URI1: variants seen among roughly 807,000 people sequenced by gnomAD.
URI1 encodes unconventional prefoldin RPB5 interactor 1.
A neutral mutation model predicts 60.2 loss-of-function variants in URI1; 39 were observed. That is an observed-to-expected ratio of 0.65 (90% CI 0.50 to 0.85). The LOEUF is 0.85. Among genes scored for constraint, URI1 ranks in the 40% least tolerant of loss-of-function variants. URI1 has a pLI of 0.00. For missense variants in URI1, 691 were observed against 665.9 expected, an observed-to-expected ratio of 1.04 and a Z score of -0.42; for synonymous variants, 251 against 236.8, an observed-to-expected ratio of 1.06 and a Z score of -0.55.
At chr19:29,986,487 G>A (rs1199402971) in intron 4 of URI1, 70 bp downstream of exon 4, 3 of 1,538,324 alleles carry the variant, frequency 2.0e-6, no homozygotes, top group Non-Finnish European at 2.6e-6. Flanking sequence ...AAGCTGAAGG[G>A]CTGTTTCTTA....
Position 30,015,762 on chromosome 19 carries a change from T to G in URI1, c.*693T>G. 1.7e-6 allele frequency: 1 copy of G among 600,868 alleles called. No individual in the cohort carries two copies. 37.2% of individuals were successfully genotyped at this position (600,868 alleles called of 1,614,324 possible). A position where few individuals can be genotyped will look rare whatever the true frequency, so the allele number is the denominator to read the frequency against. Reference sequence around the variant, plus strand: ...AGTACAGATATGTCCTTGATTCATATGTATGCTACATGTATCACACAACAG... The same window carrying G: ...AGTACAGATATGTCCTTGATTCATAGGTATGCTACATGTATCACACAACAG... On this transcript the variant is annotated 3_prime_UTR_variant, in exon 11 of 11. Coordinates refer to ENST00000392271, the MANE Select transcript of URI1 (RefSeq NM_003796.3).
At chr19:30,005,148 C>T (rs1313692072) in intron 4 of URI1, among the ~76,000 whole-genome samples, 2 of 151,934 alleles carry the variant, frequency 1.3e-5, no homozygotes, top group East Asian at 1.9e-4. Context: ...ATATGTTAGA[C>T]ATTTTATTAC....
intron 1 of URI1, 118 bp downstream of exon 1, chr19:29,942,782 G>A: frequency 8.5e-7 from 1 of 1,178,942 alleles, no homozygotes; most frequent in Non-Finnish European, 1.1e-6. Flanking sequence ...AGGGAACGGG[G>A]ATAAACTTTT....
chr19:29,946,737 CGTAGGCCAT>C (rs1568409613), intron 1 of URI1, among the ~76,000 whole-genome samples: 1 of 152,178 alleles, frequency 6.6e-6, no homozygotes, highest in Non-Finnish European at 1.5e-5. Flanking sequence ...CTGTCAGCCA[CGTAGGCCAT>C]ATAACAGCTA....
chr19:30,003,934 C>G (rs912152676), intron 4 of URI1, among the ~76,000 whole-genome samples: 2 of 152,034 alleles, frequency 1.3e-5, no homozygotes, highest in South Asian at 2.1e-4. Context: ...ATTCCATAAC[C>G]TTAACCTTTT....
chr19:30,015,227 TC>T lies in URI1; in HGVS notation c.*159del. 7.0e-7 allele frequency: 1 copy of T among 1,421,204 alleles called. No homozygotes were observed. The highest frequency in any genetic ancestry group is 2.9e-5 in the Admixed American group (1 of 34,308). 88.0% of individuals were successfully genotyped at this position (1,421,204 alleles called of 1,614,324 possible). A position where few individuals can be genotyped will look rare whatever the true frequency, so the allele number is the denominator to read the frequency against. Reference sequence around the variant, plus strand: ...CCTTACCCGTGGTATTTGAAAAAAATCAAGGTAACTGTCTGAATACTTTAAT... The same window carrying T: ...CCTTACCCGTGGTATTTGAAAAAAATAAGGTAACTGTCTGAATACTTTAAT... On this transcript the variant is annotated 3_prime_UTR_variant, in exon 11 of 11. Coordinates refer to ENST00000392271, the MANE Select transcript of URI1 (RefSeq NM_003796.3).
chr19:29,932,583 C>T (rs1470838866), intron 1 of URI1, among the ~76,000 whole-genome samples: 5 of 151,188 alleles, frequency 3.3e-5, no homozygotes, highest in Non-Finnish European at 7.4e-5. Flanking sequence ...TCCCAAAGTG[C>T]TGGGATTACA....
intron 1 of URI1, chr19:29,956,747 A>G (rs1272075912): frequency 1.3e-6 from 2 of 1,579,874 alleles, no homozygotes; most frequent in East Asian, 2.2e-5. Context: ...AACACCCTTG[A>G]TCATGTTCTG....
At chr19:29,960,842 A>C (rs1011139673) in intron 1 of URI1, among the ~76,000 whole-genome samples, 1 of 152,052 alleles carries the variant, frequency 6.6e-6, no homozygotes, top group Non-Finnish European at 1.5e-5. Flanking sequence ...AAATATAACA[A>C]AATTTACCAT....
intron 2 of URI1, among the ~76,000 whole-genome samples, chr19:29,977,033 A>C (rs1414742351): frequency 6.6e-6 from 1 of 152,208 alleles, no homozygotes; most frequent in African/African-American, 2.4e-5. Flanking sequence ...AAGAGTAACT[A>C]GCTTCCATTA....
In URI1 at chr19:30,011,219, G is replaced by A. The variant is rs200788387; in HGVS notation, c.1161G>A (p.Thr387=). Reference sequence around the variant, plus strand: ...CCCAGGAGCTGCCGACCATCAGGACGCCTGCAGACATTTACAGGTGGGAGG... The same window carrying A: ...CCCAGGAGCTGCCGACCATCAGGACACCTGCAGACATTTACAGGTGGGAGG... ...HSAQELPTIR[T]PADIYRAFVD... is the part of the protein sequence containing the mutation. Residue 387 remains threonine, a synonymous_variant, in exon 9 of 11, where the codon ACG becomes ACA. Coordinates refer to ENST00000392271, the MANE Select transcript of URI1 (RefSeq NM_003796.3). The A allele has an allele frequency of 2.9e-5, 47 of 1,609,126 alleles. No homozygotes were observed. The highest frequency in any genetic ancestry group is 1.4e-4 in the Admixed American group (8 of 58,746).
chr19:29,966,123 C>G (rs554367747), intron 1 of URI1, among the ~76,000 whole-genome samples: 1 of 152,204 alleles, frequency 6.6e-6, no homozygotes, highest in East Asian at 1.9e-4. Flanking sequence ...GTTTTCTTTA[C>G]TTTTATGGTG....
rs1359783760 is a variant in URI1 at position 30,015,724 on chromosome 19, T to C, written c.*655T>C. The C allele has an allele frequency of 1.4e-5, 11 of 773,582 alleles. No individual in the cohort carries two copies. Among genetic ancestry groups the C allele is most frequent in the Non-Finnish European group, 2.0e-5 (10 of 492,666 alleles). The allele number at this position is 773,582 out of a possible 1,614,324, so 47.9% of individuals were successfully genotyped here. A position where few individuals can be genotyped will look rare whatever the true frequency, so the allele number is the denominator to read the frequency against. On this transcript the variant is annotated 3_prime_UTR_variant, in exon 11 of 11. Coordinates refer to ENST00000392271, the MANE Select transcript of URI1 (RefSeq NM_003796.3). ...GGTCTCAAAAATGTTGTGAACTTTA[T>C]GATTCAAAATTGAGTACAGATATGT...
chr19:29,989,122 A>AT (rs2055710424), intron 4 of URI1, among the ~76,000 whole-genome samples: 1 of 131,360 alleles, frequency 7.6e-6, no homozygotes, highest in Admixed American at 7.4e-5. Flanking sequence ...TTTTTTTTTT[A>AT]TTTTTTGAGA....
intron 1 of URI1, among the ~76,000 whole-genome samples, chr19:29,925,114 G>T (rs1271065607): frequency 1.3e-5 from 2 of 152,342 alleles, no homozygotes; most frequent in East Asian, 3.9e-4. Context: ...GGGATTACAG[G>T]CGTGAGCCAC....
intron 1 of URI1, among the ~76,000 whole-genome samples, chr19:29,923,950 C>T (rs914705589): frequency 6.6e-6 from 1 of 152,150 alleles, no homozygotes; most frequent in Non-Finnish European, 1.5e-5. Context: ...AGAAGTCCCA[C>T]AGTATGTCAT....
Position 29,949,009 on chromosome 19 carries a change from G to GC in URI1, c.117+6351dup, listed in dbSNP as rs1340258109. Among the ~76,000 whole-genome samples the GC allele has an allele frequency of 4.0e-4, 54 of 134,942 alleles. No homozygotes were observed. The East Asian group carries it at 4.5e-3, about 11-fold the overall frequency. 88.5% of individuals were successfully genotyped at this position (134,942 alleles called of 152,430 possible). A position where few individuals can be genotyped will look rare whatever the true frequency, so the allele number is the denominator to read the frequency against. On this transcript the variant is annotated intron_variant, in intron 1 of 10. Coordinates refer to ENST00000392271, the MANE Select transcript of URI1 (RefSeq NM_003796.3). ...CGGGGCGGCTGGCCAGGCGGGGGCT[G>GC]CCCCCCGCCTCCCTCCCGGACGGGG...
At position 29,935,700 on chromosome 19, in the gene URI1, C is replaced by CTTTTTTTTTTTTTT. The variant is rs34820413; in HGVS notation, c.63+11947_63+11960dup. Among the ~76,000 whole-genome samples, 11 of 131,864 alleles carry CTTTTTTTTTTTTTT rather than the reference C, an allele frequency of 8.3e-5. 1 individual carries two copies. Among genetic ancestry groups the CTTTTTTTTTTTTTT allele is most frequent in the South Asian group, 5.2e-4 (2 of 3,838 alleles). The allele number at this position is 131,864 out of a possible 152,430, so 86.5% of individuals were successfully genotyped here. ...TGGTAGGAAATTCTTGGTTGACAGT[C>CTTTTTTTTTTTTTT]TTTTTTTTTTTTTTCCCCAGGACTT... On this transcript the variant is annotated intron_variant, in intron 1 of 10. Transcript: ENST00000360605.
chr19:29,946,222 CTG>C (rs1470556935), intron 1 of URI1, among the ~76,000 whole-genome samples: 3 of 152,298 alleles, frequency 2.0e-5, no homozygotes, highest in South Asian at 2.1e-4. Flanking sequence ...CCTGTCTAGA[CTG>C]TGACCTATAC....
Sources: allele counts gnomAD v4.1 joint callset (sites outside exome capture counted in the v4.1 genomes callset), GRCh38; gene constraint gnomAD v4.1.1; transcripts MANE v1.5; gene names NCBI Gene and HGNC (gene_info 2026-07-23, HGNC 2026-07-21).